FAM8A1: variants seen among roughly 807,000 people sequenced by gnomAD.
The protein encoded by FAM8A1 is protein FAM8A1.
In FAM8A1, 18 loss-of-function variants were observed where a neutral mutation model predicts 38.3. That is an observed-to-expected ratio of 0.47 (90% confidence interval 0.33 to 0.70). FAM8A1 has a LOEUF of 0.70. Among genes scored for constraint, FAM8A1 ranks in the 30% least tolerant of loss-of-function variants. FAM8A1 has a pLI of 0.03. For synonymous variants in FAM8A1, 246 were observed against 234.4 expected (o/e 1.05, Z -0.45); for missense variants, 559 against 559.6 (o/e 1.00, Z 0.01).
At chr6:17,605,643 C>T (rs1487146817) in intron 3 of FAM8A1, among the ~76,000 whole-genome samples, 1 of 152,084 alleles carries the variant, frequency 6.6e-6, no homozygotes, top group African/African-American at 2.4e-5. Context: ...AAGCAGCTTA[C>T]TAGAAAGTAT....
In FAM8A1 at chr6:17,601,079, G is replaced by A. The variant is rs202098492; in HGVS notation, c.670G>A (p.Ala224Thr). ...CACTCCAGTGACGAGGGTAGGATCC[G>A]CAGCCCCTTCGCGAAGCCCGAGCGA... ...RATPVTRVGSAAPSRSPSETG... is the reference protein window; with the variant it reads ...RATPVTRVGSTAPSRSPSETG... The change falls in exon 1 of 5, where the codon GCA becomes ACA. Residue 224 changes from alanine (A) to threonine (T), a missense_variant. Physicochemically the swap from Ala to Thr is moderately conservative, Grantham distance 58. Around this residue, in one of 2 missense-constraint regions of FAM8A1, gnomAD observed 393 missense variants for 338.9 expected, o/e 1.16. Transcript: ENST00000259963. 1.9e-6 allele frequency: 3 copies of A among 1,598,936 alleles called. No homozygotes were observed. Among genetic ancestry groups the A allele is most frequent in the Non-Finnish European group, 2.6e-6 (3 of 1,175,354 alleles).
In FAM8A1 at chr6:17,605,994, T is replaced by G; in HGVS notation, c.1078T>G (p.Ser360Ala). 1 of 1,566,022 alleles carries G rather than the reference T, an allele frequency of 6.4e-7. No homozygotes were observed. The highest frequency in any genetic ancestry group is 8.7e-7 in the Non-Finnish European group (1 of 1,148,578). ...APSRVLVIPS[S>A]NVSITTSTIR... ...AAGTCGGGTTTTAGTGATTCCTTCC[T>G]CAAATGTTAGCATTACAACGTAAGT... The change falls in exon 4 of 5, where the codon TCA becomes GCA. Residue 360 changes from serine to alanine, a missense_variant. Physicochemically the swap from Ser to Ala is moderately conservative, Grantham distance 99. Transcript: ENST00000259963.
chr6:17,604,276 A>G (rs1764024481), intron 2 of FAM8A1, among the ~76,000 whole-genome samples: 1 of 152,082 alleles, frequency 6.6e-6, no homozygotes, highest in Non-Finnish European at 1.5e-5. Context: ...TATACTCAGG[A>G]GGCTGTCTCA....
At position 17,605,860 on chromosome 6, in the gene FAM8A1, CCTT is replaced by C. The variant is rs1581641071; in HGVS notation, c.958-10_958-8del. On this transcript the variant is annotated splice_polypyrimidine_tract_variant and intron_variant, in intron 3 of 4. Coordinates refer to ENST00000259963, the MANE Select transcript of FAM8A1 (RefSeq NM_016255.3). Reference sequence around the variant, plus strand: ...GTTGAGCCAGTAATTTTTAAATCATCCTTCTTTCCTTAGATAATTTGCATTTGG... The same window carrying C: ...GTTGAGCCAGTAATTTTTAAATCATCCTTTCCTTAGATAATTTGCATTTGG... The C allele has an allele frequency of 6.8e-7, 1 of 1,479,076 alleles. No homozygotes were observed. The highest frequency in any genetic ancestry group is 1.4e-5 in the African/African-American group (1 of 70,646). The allele number at this position is 1,479,076 out of a possible 1,614,324, so 91.6% of individuals were successfully genotyped here.
Position 17,610,393 on chromosome 6 carries a change from A to G in FAM8A1, c.*2054A>G, listed in dbSNP as rs1265316686. ...TTCAGATTAGTATCTATGTAGGTTC[A>G]GTCAGATCCAACCATGGATTCGAGG... is the stretch of plus-strand genomic sequence containing the variant. On this transcript the variant is annotated 3_prime_UTR_variant, in exon 5 of 5. Coordinates refer to ENST00000259963, the MANE Select transcript of FAM8A1 (RefSeq NM_016255.3). 6.6e-6 allele frequency: 1 copy of G among 152,178 alleles called. No individual in the cohort carries two copies. Among genetic ancestry groups the G allele is most frequent in the Non-Finnish European group, 1.5e-5 (1 of 68,002 alleles). The allele number at this position is 152,178 out of a possible 1,614,324, so 9.4% of individuals were successfully genotyped here.
chr6:17,601,755 A>T (rs949039580), intron 1 of FAM8A1, among the ~76,000 whole-genome samples: 1 of 152,184 alleles, frequency 6.6e-6, no homozygotes, highest in African/African-American at 2.4e-5. Context: ...TGGGACAAGA[A>T]CTAGTTGATG....
rs1383957342 is a variant in FAM8A1 at position 17,609,907 on chromosome 6, C to T, written c.*1568C>T. ...AGATATTCACATTTGATTATAGAAA[C>T]TTAATGTCTATTAATAATTTTAGTA... On this transcript the variant is annotated 3_prime_UTR_variant, in exon 5 of 5. Transcript: ENST00000259963. 6.6e-6 allele frequency: 1 copy of T among 152,114 alleles called. No individual in the cohort carries two copies. Among genetic ancestry groups the T allele is most frequent in the African/African-American group, 2.4e-5 (1 of 41,430 alleles). The allele number at this position is 152,114 out of a possible 1,614,324, so 9.4% of individuals were successfully genotyped here.
In FAM8A1 at chr6:17,600,959, G is replaced by T. The variant is rs1763976605; in HGVS notation, c.550G>T (p.Gly184Trp). The change falls in exon 1 of 5, where the codon GGG (glycine) becomes TGG (tryptophan). Residue 184 changes from glycine (G) to tryptophan (W), a missense_variant. Physicochemically the swap from Gly to Trp is radical, Grantham distance 184. Coordinates refer to ENST00000259963, the MANE Select transcript of FAM8A1 (RefSeq NM_016255.3). ...PFYFLSPGAA[G>W]PDPRTAAGIS... ...CTACTTCCTGAGCCCCGGGGCCGCG[G>T]GGCCTGACCCGCGGACAGCTGCCGG... 2 of 1,593,486 alleles carry T rather than the reference G, an allele frequency of 1.3e-6. No individual in the cohort carries two copies. The highest frequency in any genetic ancestry group is 2.3e-5 in the East Asian group (1 of 44,256).
chr6:17,607,652 T>C (rs910270655), intron 4 of FAM8A1, among the ~76,000 whole-genome samples: 2 of 152,190 alleles, frequency 1.3e-5, no homozygotes, highest in African/African-American at 4.8e-5. Flanking sequence ...CACTGTACTT[T>C]TCTGCAGCCC....
chr6:17,607,947 ACTG>A (rs543473103), intron 4 of FAM8A1, among the ~76,000 whole-genome samples: 21 of 152,214 alleles, frequency 1.4e-4, no homozygotes, highest in Non-Finnish European at 2.9e-4. Context: ...CATGTTTATT[ACTG>A]CTTTTTATGT....
chr6:17,603,770 G>C (rs191696358), intron 2 of FAM8A1, among the ~76,000 whole-genome samples: 1 of 152,040 alleles, frequency 6.6e-6, no homozygotes, highest in East Asian at 1.9e-4. Flanking sequence ...GTTTTTTGTA[G>C]AGATGGGGTC....
rs1193188335 is a variant in FAM8A1, at chr6:17,600,423, C to G, written c.14C>G (p.Pro5Arg). The G allele has an allele frequency of 2.1e-6, 3 of 1,431,624 alleles. No homozygotes were observed. The East Asian group carries it at 9.1e-5, about 43-fold the overall frequency. The allele number at this position is 1,431,624 out of a possible 1,614,324, so 88.7% of individuals were successfully genotyped here. Reference sequence around the variant, plus strand: ...GCTGAGGCGACGATGGCCGAGGGGCCCGAGGAAGCCCGAGGCCACCCTCCC... The same window carrying G: ...GCTGAGGCGACGATGGCCGAGGGGCGCGAGGAAGCCCGAGGCCACCCTCCC... MAEG[P>R]EEARGHPPGQ... Residue 5 changes from proline (P) to arginine (R), a missense_variant, in exon 1 of 5, where the codon CCC (proline) becomes CGC (arginine). Physicochemically the swap from Pro to Arg is moderately radical, Grantham distance 103. This residue lies in a region of FAM8A1 where 393 missense variants were observed against 338.9 expected (regional missense o/e 1.16). Coordinates refer to ENST00000259963, the MANE Select transcript of FAM8A1 (RefSeq NM_016255.3).
intron 4 of FAM8A1, 65 bp downstream of exon 4, chr6:17,606,078 G>T: frequency 7.7e-7 from 1 of 1,298,424 alleles, no homozygotes; most frequent in Non-Finnish European, 1.0e-6. Context: ...TAGAATATTG[G>T]GGTTTTTTTC....
At chr6:17,602,452 A>G (rs185002527) in intron 1 of FAM8A1, 138 bp from the exon 2 acceptor site, 24 of 765,154 alleles carry the variant, frequency 3.1e-5, no homozygotes, top group East Asian at 3.0e-4. Context: ...ATCAATATCA[A>G]TAGTTGCTGC....
At position 17,609,768 on chromosome 6, in the gene FAM8A1, G is replaced by C. The variant is rs73722986; in HGVS notation, c.*1429G>C. The C allele has an allele frequency of 2.0e-5, 3 of 151,972 alleles. No individual in the cohort carries two copies. The highest frequency in any genetic ancestry group is 7.3e-5 in the African/African-American group (3 of 41,372). The allele number at this position is 151,972 out of a possible 1,614,324, so 9.4% of individuals were successfully genotyped here. On this transcript the variant is annotated 3_prime_UTR_variant, in exon 5 of 5. Transcript: ENST00000259963. ...ACAGTTCAAAATTTGATTACTTAAG[G>C]GATCAATCTAGGTGGTGTTCTTGGT... is the stretch of plus-strand genomic sequence containing the variant.
Position 17,600,483 on chromosome 6 carries a change from T to C in FAM8A1, c.74T>C (p.Val25Ala), listed in dbSNP as rs1763964426. ...GATGGCGGAGGGGACCACGAGCCCG[T>C]CCCTTCCCTGAGAGGCCCTCCTACC... ...QDDGGGDHEP[V>A]PSLRGPPTTA... Residue 25 changes from valine (V) to alanine (A), a missense_variant, in exon 1 of 5, where the codon GTC becomes GCC. Transcript: ENST00000259963. The C allele has an allele frequency of 6.6e-7, 1 of 1,525,308 alleles. No individual in the cohort carries two copies. The highest frequency in any genetic ancestry group is 8.8e-7 in the Non-Finnish European group (1 of 1,140,320). 94.5% of individuals were successfully genotyped at this position (1,525,308 alleles called of 1,614,324 possible). A position where few individuals can be genotyped will look rare whatever the true frequency, so the allele number is the denominator to read the frequency against.
At chr6:17,602,316 C>T (rs1763995743) in intron 1 of FAM8A1, among the ~76,000 whole-genome samples, 1 of 152,206 alleles carries the variant, frequency 6.6e-6, no homozygotes, top group South Asian at 2.1e-4. Flanking sequence ...GGATTACAGA[C>T]GTGAGTCACT....
At position 17,600,976 on chromosome 6, in the gene FAM8A1, A is replaced by G. The variant is rs771009607; in HGVS notation, c.567A>G (p.Thr189=). 6.9e-6 allele frequency: 11 copies of G among 1,594,084 alleles called. No homozygotes were observed. In the South Asian group the frequency reaches 1.1e-4, roughly 16 times the overall value. Residue 189 remains threonine, a synonymous_variant, in exon 1 of 5, where the codon ACA becomes ACG. Transcript: ENST00000259963. The stretch of plus-strand genomic sequence containing the variant: ...GGGCCGCGGGGCCTGACCCGCGGAC[A>G]GCTGCCGGCATCAGCACCCCTGCTC... ...SPGAAGPDPR[T]AAGISTPAPV...
Position 17,608,469 on chromosome 6 carries a change from T to C in FAM8A1, c.*130T>C, listed in dbSNP as rs1376418778. ...ACTCCAGTGTGATGCAGGTGACTACTCTGAAAGTATTGATTATACTTGAAT... is the reference window on the plus strand; with the variant it reads ...ACTCCAGTGTGATGCAGGTGACTACCCTGAAAGTATTGATTATACTTGAAT... On this transcript the variant is annotated 3_prime_UTR_variant, in exon 5 of 5. Transcript: ENST00000259963. 1.0e-6 allele frequency: 1 copy of C among 970,514 alleles called. No homozygotes were observed. The highest frequency in any genetic ancestry group is 1.4e-6 in the Non-Finnish European group (1 of 695,474). The allele number at this position is 970,514 out of a possible 1,614,324, so 60.1% of individuals were successfully genotyped here.
Sources: allele counts gnomAD v4.1 joint callset (sites outside exome capture counted in the v4.1 genomes callset), GRCh38; gene constraint gnomAD v4.1.1; regional missense constraint gnomAD v4.1.1; transcripts MANE v1.5; gene names NCBI Gene and HGNC (gene_info 2026-07-23, HGNC 2026-07-21).